MPHOSPH10: variants seen among roughly 807,000 people sequenced by gnomAD.
The protein encoded by MPHOSPH10 is M-phase phosphoprotein 10.
A neutral mutation model predicts 77.3 loss-of-function variants in MPHOSPH10; 33 were observed. The ratio of observed to expected loss-of-function variants is 0.43; its 90% CI spans 0.32 to 0.57. The LOEUF (loss-of-function observed/expected upper bound fraction) is 0.57. Among genes scored for constraint, MPHOSPH10 ranks in the 20% least tolerant of loss-of-function variants. The pLI, the probability that MPHOSPH10 is intolerant of heterozygous loss-of-function variation, is 0.07. For missense variants in MPHOSPH10, 708 were observed against 780.1 expected, an observed-to-expected ratio of 0.91 and a Z score of 1.10; for synonymous variants, 245 against 268.0, an observed-to-expected ratio of 0.91 and a Z score of 0.84.
Position 71,143,095 on chromosome 2 carries a change from G to A in MPHOSPH10, c.1447-1333G>A, listed in dbSNP as rs76209111. On this transcript the variant is annotated intron_variant, in intron 7 of 10. Transcript: ENST00000244230. ...AAAAAAGTCCCTACCATCCAAATGG[G>A]TATTTGGATAATTTTATGAAGTCTA... Among the ~76,000 whole-genome samples the A allele has an allele frequency of 0.036, 5,507 of 151,618 alleles. 601 individuals are homozygous for A. In the East Asian group the frequency reaches 0.43, roughly 12 times the overall value.
Sources: allele counts gnomAD v4.1 joint callset (sites outside exome capture counted in the v4.1 genomes callset), GRCh38; gene constraint gnomAD v4.1.1; transcripts MANE v1.5; gene names NCBI Gene and HGNC (gene_info 2026-07-23, HGNC 2026-07-21).